Variants in PRELID2 observed in about 807,000 individuals in gnomAD.
The protein encoded by PRELID2 is PRELI domain containing 2.
A neutral mutation model predicts 28.4 loss-of-function variants in PRELID2; 25 were observed. The ratio of observed to expected loss-of-function variants is 0.88; its 90% CI spans 0.64 to 1.23. The LOEUF (loss-of-function observed/expected upper bound fraction) is 1.23. Among genes scored for constraint, PRELID2 ranks in the 50% most tolerant of loss-of-function variants. The pLI is 0.00. For synonymous variants in PRELID2, 76 were observed against 71.6 expected, an observed-to-expected ratio of 1.06 and a Z score of -0.31; for missense variants, 201 against 214.4, an observed-to-expected ratio of 0.94 and a Z score of 0.39.
At chr5:145,568,635 T>C (rs571464237) in intron 1 of PRELID2, among the ~76,000 whole-genome samples, 5 of 152,386 alleles carry the variant, frequency 3.3e-5, no homozygotes, top group African/African-American at 1.2e-4. Context: ...GTCAGCCATC[T>C]TCTCAGGAGA....
the PRELID2 span, among the ~76,000 whole-genome samples, chr5:145,388,742 C>T: frequency 6.6e-6 from 1 of 152,114 alleles, no homozygotes; most frequent in South Asian, 2.1e-4. Flanking sequence ...CACATCTCCA[C>T]GTGGCTGGCT....
the PRELID2 span, among the ~76,000 whole-genome samples, chr5:145,332,395 A>T: frequency 6.6e-6 from 1 of 152,194 alleles, no homozygotes; most frequent in Non-Finnish European, 1.5e-5. Context: ...CATCACTTTC[A>T]GGTACACCAA....
At chr5:145,787,104 T>A (rs1581201737) in intron 5 of PRELID2, among the ~76,000 whole-genome samples, 1 of 152,158 alleles carries the variant, frequency 6.6e-6, no homozygotes, top group Non-Finnish European at 1.5e-5. Flanking sequence ...AATTATTTCA[T>A]CACACATTGA....
chr5:145,789,022 T>C (rs547783599), intron 5 of PRELID2, among the ~76,000 whole-genome samples: 54 of 152,194 alleles, frequency 3.5e-4, no homozygotes, highest in African/African-American at 1.2e-3. Context: ...TGGAAAGACA[T>C]CCCATGATCA....
At chr5:145,572,353 A>C (rs1753022119) in intron 1 of PRELID2, among the ~76,000 whole-genome samples, 1 of 152,184 alleles carries the variant, frequency 6.6e-6, no homozygotes, top group African/African-American at 2.4e-5. Context: ...TGTCACTGGC[A>C]ATTGGTCATT....
the PRELID2 span, among the ~76,000 whole-genome samples, chr5:145,407,988 T>C: frequency 7.2e-5 from 11 of 151,938 alleles, no homozygotes; most frequent in Non-Finnish European, 2.9e-5. Flanking sequence ...CTGTAGACAT[T>C]CCCCAGCACC....
chr5:145,547,931 A>C (rs1051482003), intron 1 of PRELID2, among the ~76,000 whole-genome samples: 1 of 152,174 alleles, frequency 6.6e-6, no homozygotes, highest in Non-Finnish European at 1.5e-5. Flanking sequence ...AAGAATCTTC[A>C]CTCTTATAAT....
the PRELID2 span, among the ~76,000 whole-genome samples, chr5:145,379,663 T>A: frequency 6.6e-6 from 1 of 151,922 alleles, no homozygotes; most frequent in Non-Finnish European, 1.5e-5. Flanking sequence ...AGCACAGACA[T>A]ACATATATAC....
At chr5:145,349,124 C>T in the PRELID2 span, among the ~76,000 whole-genome samples, 1 of 152,032 alleles carries the variant, frequency 6.6e-6, no homozygotes, top group Non-Finnish European at 1.5e-5. Flanking sequence ...TATACCCATG[C>T]AACTGTTGTT....
chr5:145,810,055 C>A (rs543072691), intron 4 of PRELID2, among the ~76,000 whole-genome samples: 1 of 152,196 alleles, frequency 6.6e-6, no homozygotes, highest in Admixed American at 6.5e-5. Context: ...ACAAACCTAT[C>A]TCAGAACATA....
At chr5:145,504,307 T>C (rs1752387339) in intron 1 of PRELID2, among the ~76,000 whole-genome samples, 1 of 152,150 alleles carries the variant, frequency 6.6e-6, no homozygotes, top group Admixed American at 6.6e-5. Flanking sequence ...ATATGAAGAT[T>C]GAAGTAGATA....
At chr5:145,819,404 G>A in intron 3 of PRELID2, 1 of 1,600,752 alleles carries the variant, frequency 6.2e-7, no homozygotes. Flanking sequence ...AATCACCAGA[G>A]TGCTTAAGGA....
At chr5:145,422,606 T>C in the PRELID2 span, among the ~76,000 whole-genome samples, 3 of 152,100 alleles carry the variant, frequency 2.0e-5, no homozygotes, top group Non-Finnish European at 4.4e-5. Context: ...TCCTCCATCC[T>C]TTTATTTTGA....
intron 1 of PRELID2, among the ~76,000 whole-genome samples, chr5:145,475,520 C>G (rs990230701): frequency 6.6e-6 from 1 of 152,140 alleles, no homozygotes; most frequent in African/African-American, 2.4e-5. Context: ...GCAGTTCTTA[C>G]TACATGAATG....
chr5:145,548,556 T>C (rs149947656), intron 1 of PRELID2, among the ~76,000 whole-genome samples: 31 of 152,316 alleles, frequency 2.0e-4, no homozygotes, highest in African/African-American at 4.6e-4. Context: ...TCCTCTACTA[T>C]ATTAAAGAGA....
At chr5:145,428,310 T>C in the PRELID2 span, among the ~76,000 whole-genome samples, 2 of 152,178 alleles carry the variant, frequency 1.3e-5, no homozygotes, top group Admixed American at 1.3e-4. Flanking sequence ...TGAGTTGCAA[T>C]GATCTTCCAG....
At chr5:145,295,377 T>A in the PRELID2 span, among the ~76,000 whole-genome samples, 1 of 152,172 alleles carries the variant, frequency 6.6e-6, no homozygotes, top group Non-Finnish European at 1.5e-5. Flanking sequence ...TTTAAGTCAG[T>A]GTTACACACT....
intron 1 of PRELID2, among the ~76,000 whole-genome samples, chr5:145,732,387 G>C (rs1756370403): frequency 6.6e-6 from 1 of 152,186 alleles, no homozygotes; most frequent in African/African-American, 2.4e-5. Flanking sequence ...AGGTGGAAGA[G>C]TTCATATAGA....
intron 1 of PRELID2, among the ~76,000 whole-genome samples, chr5:145,500,434 C>G (rs1185445855): frequency 6.6e-6 from 1 of 151,478 alleles, no homozygotes; most frequent in Non-Finnish European, 1.5e-5. Flanking sequence ...AATTAAACCT[C>G]TTTATCACTT....
Sources: allele counts gnomAD v4.1 joint callset (sites outside exome capture counted in the v4.1 genomes callset), GRCh38; gene constraint gnomAD v4.1.1; transcripts MANE v1.5; gene names NCBI Gene and HGNC (gene_info 2026-07-23, HGNC 2026-07-21).